SFMBT2: variants seen among roughly 807,000 people sequenced by gnomAD.
SFMBT2 encodes the protein Scm like with four mbt domains 2.
In SFMBT2, 38 loss-of-function variants were observed where a neutral mutation model predicts 110.1. The observed-to-expected ratio is 0.35, with a 90% CI of 0.27 to 0.45. The LOEUF (loss-of-function observed/expected upper bound fraction) is 0.45. Ranked by LOEUF, SFMBT2 falls within the 20% of genes least tolerant of loss-of-function variation. The probability of loss-of-function intolerance (pLI) is 1.00; values close to 1 mark genes in which losing one functional copy is unlikely to be tolerated. For missense variants in SFMBT2, 1,011 were observed against 1,094.9 expected (o/e 0.92, Z 1.08); for synonymous variants, 425 against 425.4 (o/e 1.00, Z 0.01).
intron 4 of SFMBT2, among the ~76,000 whole-genome samples, chr10:7,331,877 G>A (rs1343200460): frequency 2.6e-5 from 4 of 152,032 alleles, no homozygotes; most frequent in Admixed American, 6.6e-5. Context: ...GGGCGTGGTG[G>A]TGCGCCCCTG....
At chr10:7,370,419 G>A (rs775402659) in intron 2 of SFMBT2, 44 bp from the exon 3 acceptor site, 14 of 1,516,834 alleles carry the variant, frequency 9.2e-6, no homozygotes, top group East Asian at 4.5e-5. Context: ...TGGAGTGGAG[G>A]ACAGAAAGGT....
chr10:7,318,979 C>A (rs1843094655), intron 4 of SFMBT2, among the ~76,000 whole-genome samples: 1 of 152,198 alleles, frequency 6.6e-6, no homozygotes, highest in African/African-American at 2.4e-5. Flanking sequence ...CATAAACCAA[C>A]TTGGCATCTC....
intron 5 of SFMBT2, 41 bp downstream of exon 5, chr10:7,285,806 CTGAGCTCACGTAACTGGGG>C (rs1443935893): frequency 1.2e-6 from 1 of 829,398 alleles, no homozygotes; most frequent in Non-Finnish European, 2.2e-6. Flanking sequence ...GCTGTCAGGT[CTGAGCTCACGTAACTGGGG>C]TGCTTCAGAG....
chr10:7,277,114 C>G (rs1476975732), intron 6 of SFMBT2, 125 bp from the exon 7 acceptor site: 2 of 624,146 alleles, frequency 3.2e-6, no homozygotes, highest in Non-Finnish European at 5.7e-6. Flanking sequence ...TGAGTGTTCA[C>G]ACCCCATACC....
chr10:7,302,553 T>TA (rs1168166718), intron 4 of SFMBT2, among the ~76,000 whole-genome samples: 1 of 152,246 alleles, frequency 6.6e-6, no homozygotes, highest in Non-Finnish European at 1.5e-5. Flanking sequence ...GACTATTCTG[T>TA]AAGCAGAGAT....
intron 1 of SFMBT2, among the ~76,000 whole-genome samples, chr10:7,405,833 C>T (rs1358208773): frequency 9.1e-6 from 1 of 109,908 alleles, no homozygotes; most frequent in Admixed American, 1.0e-4. Context: ...CCCCCCCCGA[C>T]CCCCGCTCTC....
chr10:7,353,343 C>A (rs1199005966), intron 4 of SFMBT2, among the ~76,000 whole-genome samples: 1 of 152,162 alleles, frequency 6.6e-6, no homozygotes, highest in Non-Finnish European at 1.5e-5. Flanking sequence ...TTCCTGTCAG[C>A]TCTTGTTTTC....
At chr10:7,227,252 C>T (rs1839923875) in intron 10 of SFMBT2, among the ~76,000 whole-genome samples, 1 of 152,174 alleles carries the variant, frequency 6.6e-6, no homozygotes, top group Non-Finnish European at 1.5e-5. Context: ...CAAAGACTCT[C>T]CTATCAGTGG....
intron 7 of SFMBT2, among the ~76,000 whole-genome samples, chr10:7,257,155 G>C (rs1426962800): frequency 1.3e-5 from 2 of 148,830 alleles, no homozygotes; most frequent in African/African-American, 4.9e-5. Context: ...TGTACAGTGA[G>C]AAACAGGAAG....
chr10:7,359,517 A>G (rs1844646574), intron 4 of SFMBT2, among the ~76,000 whole-genome samples: 2 of 152,338 alleles, frequency 1.3e-5, no homozygotes. Context: ...CTTAAATTAC[A>G]TATGTTGCTG....
rs143179308 is a variant in SFMBT2, at chr10:7,362,464, ATCATC to A, written c.436+5180_436+5184del. ...AGGGTCCTAAGTGCTCTGTAAAACT[ATCATC>A]TAAGATAATAAAACCACTTTCTTTC... On this transcript the variant is annotated intron_variant, in intron 4 of 20. Coordinates refer to ENST00000397167, the MANE Select transcript of SFMBT2 (RefSeq NM_001387889.1). Among the ~76,000 whole-genome samples the A allele has an allele frequency of 4.9e-3, 754 of 152,348 alleles. 9 individuals are homozygous for A. The highest frequency in any genetic ancestry group is 0.017 in the African/African-American group (723 of 41,586).
intron 7 of SFMBT2, among the ~76,000 whole-genome samples, chr10:7,256,149 T>C (rs559399888): frequency 3.3e-5 from 5 of 152,170 alleles, no homozygotes; most frequent in African/African-American, 4.8e-5. Flanking sequence ...GATGAAGTTA[T>C]CTAAGCAAGG....
chr10:7,269,112 T>A (rs547212952), intron 7 of SFMBT2, among the ~76,000 whole-genome samples: 2 of 152,366 alleles, frequency 1.3e-5, no homozygotes, highest in African/African-American at 4.8e-5. Context: ...TGAGTTTTTT[T>A]AAACCTATTT....
chr10:7,404,336 T>C (rs1846156912), intron 1 of SFMBT2, among the ~76,000 whole-genome samples: 1 of 152,214 alleles, frequency 6.6e-6, no homozygotes, highest in Non-Finnish European at 1.5e-5. Context: ...GTTCATATAG[T>C]AGTGTTGATT....
chr10:7,214,948 T>A (rs1275246948), intron 11 of SFMBT2, among the ~76,000 whole-genome samples: 1 of 152,222 alleles, frequency 6.6e-6, no homozygotes, highest in African/African-American at 2.4e-5. Context: ...GCTAAATAAC[T>A]CAGAAGTAAG....
At chr10:7,240,989 C>T (rs138186049) in intron 9 of SFMBT2, among the ~76,000 whole-genome samples, 2 of 152,248 alleles carry the variant, frequency 1.3e-5, no homozygotes, top group African/African-American at 4.8e-5. Flanking sequence ...TCCCACAATT[C>T]CCACATGTCA....
At chr10:7,228,125 C>T (rs1839951438) in intron 9 of SFMBT2, among the ~76,000 whole-genome samples, 188 bp from the exon 10 acceptor site, 1 of 152,104 alleles carries the variant, frequency 6.6e-6, no homozygotes, top group Admixed American at 6.5e-5. Context: ...ACAGGTAAAC[C>T]ATCGTTACTA....
rs1033453473 is a variant in SFMBT2, at chr10:7,227,767, G to A, written c.1203+88C>T. ...TCCAGTGCACTGTAATACTCCAACC[G>A]TGCTTCATCAATAAAAAGCAAGTTA... On this transcript the variant is annotated intron_variant, in intron 10 of 20. Transcript: ENST00000397167. 21 of 1,122,334 alleles carry A rather than the reference G, an allele frequency of 1.9e-5. No individual in the cohort carries two copies. The East Asian group carries it at 1.9e-4, about 10-fold the overall frequency. The allele number at this position is 1,122,334 out of a possible 1,614,324, so 69.5% of individuals were successfully genotyped here.
Position 7,173,676 on chromosome 10 carries a change from C to A in SFMBT2, c.1985-1015G>T, listed in dbSNP as rs190828439. Among the ~76,000 whole-genome samples, 8 of 152,238 alleles carry A rather than the reference C, an allele frequency of 5.3e-5. No homozygotes were observed. The East Asian group carries it at 1.5e-3, about 29-fold the overall frequency. On this transcript the variant is annotated intron_variant, in intron 17 of 20. Transcript: ENST00000397167. The stretch of plus-strand genomic sequence containing the variant: ...CTAATGAAAACCACCACTAAGGATC[C>A]AGCATTCAATTACGACCCAGACGCC...
Sources: allele counts gnomAD v4.1 joint callset (sites outside exome capture counted in the v4.1 genomes callset), GRCh38; gene constraint gnomAD v4.1.1; transcripts MANE v1.5; gene names NCBI Gene and HGNC (gene_info 2026-07-23, HGNC 2026-07-21).